Variants in EEF2K observed in about 807,000 individuals in gnomAD.
EEF2K encodes the protein alternative protein EEF2K.
EEF2K carries 70 observed loss-of-function variants against 93.8 expected under a neutral mutation model. The observed-to-expected ratio is 0.75, with a 90% confidence interval of 0.62 to 0.91. The LOEUF is 0.91. EEF2K is among the 40% of genes least tolerant of loss of function. The probability of loss-of-function intolerance (pLI) is 0.00; values close to 1 mark genes in which losing one functional copy is unlikely to be tolerated. For synonymous variants in EEF2K, 376 were observed against 380.8 expected (o/e 0.99, Z 0.15); for missense variants, 935 against 972.9 (o/e 0.96, Z 0.52).
At chr16:22,275,714 C>T (rs2047627815) in intron 16 of EEF2K, among the ~76,000 whole-genome samples, 1 of 150,156 alleles carries the variant, frequency 6.7e-6, no homozygotes, top group African/African-American at 2.5e-5. Flanking sequence ...GATCTCGGCT[C>T]ACTGCAATCT....
In EEF2K at chr16:22,250,830, A is replaced by G. The variant is rs540358245; in HGVS notation, c.446+139A>G. 3.5e-6 allele frequency: 4 copies of G among 1,151,892 alleles called. No homozygotes were observed. The South Asian group carries it at 4.3e-5, about 12-fold the overall frequency. 71.4% of individuals were successfully genotyped at this position (1,151,892 alleles called of 1,614,324 possible). A position where few individuals can be genotyped will look rare whatever the true frequency, so the allele number is the denominator to read the frequency against. On this transcript the variant is annotated intron_variant, in intron 5 of 17. Coordinates refer to ENST00000263026, the MANE Select transcript of EEF2K (RefSeq NM_013302.5). ...TTGTAGCCCAGGTTCCTGTCCATCT[A>G]GTCTCCCTCGGGCCACACATTGGGC...
chr16:22,274,248 C>T (rs1237391956), intron 16 of EEF2K, among the ~76,000 whole-genome samples: 1 of 152,076 alleles, frequency 6.6e-6, no homozygotes, highest in Non-Finnish European at 1.5e-5. Context: ...CAAGACCAGC[C>T]TGACCAACAT....
At chr16:22,258,252 G>C (rs775226254) in intron 9 of EEF2K, among the ~76,000 whole-genome samples, 2 of 152,146 alleles carry the variant, frequency 1.3e-5, no homozygotes, top group Non-Finnish European at 2.9e-5. Context: ...GTGGAATGTG[G>C]TCAGTGCTTT....
At chr16:22,283,224 G>A (rs184570072) in intron 17 of EEF2K, among the ~76,000 whole-genome samples, 15 of 148,322 alleles carry the variant, frequency 1.0e-4, no homozygotes, top group Admixed American at 3.5e-4. Context: ...CAGGAGAATC[G>A]CTTGAACCCC....
At chr16:22,239,009 G>C (rs1233188190) in intron 2 of EEF2K, among the ~76,000 whole-genome samples, 1 of 151,946 alleles carries the variant, frequency 6.6e-6, no homozygotes, top group Non-Finnish European at 1.5e-5. Flanking sequence ...CAAGGAAATG[G>C]AGGTTCCCAC....
At chr16:22,259,689 A>G (rs1332508938) in intron 10 of EEF2K, among the ~76,000 whole-genome samples, 1 of 152,082 alleles carries the variant, frequency 6.6e-6, no homozygotes, top group African/African-American at 2.4e-5. Context: ...AGACAGATAG[A>G]TTTGGCTGTA....
In EEF2K at chr16:22,257,672, T is replaced by A; in HGVS notation, c.931T>A (p.Ser311Thr). The part of the protein sequence containing the change: ...GVRGMALFFY[S>T]HACNRICESM... Reference sequence around the variant, plus strand: ...CCGCGGGATGGCGCTCTTCTTCTACTCTCATGCCTGCAACCGGATTTGCGA... The same window carrying A: ...CCGCGGGATGGCGCTCTTCTTCTACACTCATGCCTGCAACCGGATTTGCGA... Residue 311 changes from serine to threonine, a missense_variant, in exon 9 of 18, where the codon TCT becomes ACT. Ser to Thr is a moderately conservative substitution (Grantham distance 58). Transcript: ENST00000263026. 1 of 1,613,900 alleles carries A rather than the reference T, an allele frequency of 6.2e-7. No homozygotes were observed. Among genetic ancestry groups the A allele is most frequent in the African/African-American group, 1.3e-5 (1 of 75,062 alleles).
chr16:22,264,156 G>T, intron 12 of EEF2K, among the ~76,000 whole-genome samples: 1 of 151,932 alleles, frequency 6.6e-6, no homozygotes, highest in East Asian at 1.9e-4. Context: ...GCCGGGTGCA[G>T]TGGTGCACTC....
chr16:22,243,781 G>A (rs539078210), intron 2 of EEF2K, among the ~76,000 whole-genome samples: 4 of 150,876 alleles, frequency 2.7e-5, no homozygotes, highest in Non-Finnish European at 5.9e-5. Context: ...AAATTAGCCA[G>A]GTATAGTGGT....
intron 1 of EEF2K, among the ~76,000 whole-genome samples, chr16:22,220,495 G>C (rs2047001392): frequency 6.6e-6 from 1 of 151,852 alleles, no homozygotes; most frequent in Admixed American, 6.6e-5. Context: ...CTGTTGCCCA[G>C]GCAGTGGCAC....
At chr16:22,282,853 G>C (rs995533417) in intron 17 of EEF2K, among the ~76,000 whole-genome samples, 9 of 152,216 alleles carry the variant, frequency 5.9e-5, no homozygotes, top group African/African-American at 2.2e-4. Flanking sequence ...GTTACATCAT[G>C]AATGAAGAGT....
chr16:22,258,079 G>A (rs1017802704), intron 9 of EEF2K, among the ~76,000 whole-genome samples: 6 of 152,110 alleles, frequency 3.9e-5, no homozygotes, highest in African/African-American at 1.4e-4. Context: ...TTTGTGTGAT[G>A]TATTGACAAA....
chr16:22,228,286 C>G lies in EEF2K; in HGVS notation c.246+2311C>G, dbSNP rs147538842. Among the ~76,000 whole-genome samples the G allele has an allele frequency of 5.0e-3, 755 of 152,160 alleles. 8 individuals are homozygous for G. Among genetic ancestry groups the G allele is most frequent in the Middle Eastern group, 0.034 (10 of 294 alleles). On this transcript the variant is annotated intron_variant, in intron 2 of 17. Coordinates refer to ENST00000263026, the MANE Select transcript of EEF2K (RefSeq NM_013302.5). Reference sequence around the variant, plus strand: ...AATTAATATATTTTTTAAAACCTTTCCACAAATTAATTACCTTTTCCCAAA... The same window carrying G: ...AATTAATATATTTTTTAAAACCTTTGCACAAATTAATTACCTTTTCCCAAA...
intron 11 of EEF2K, among the ~76,000 whole-genome samples, 155 bp downstream of exon 11, chr16:22,260,684 G>C (rs939884514): frequency 3.9e-5 from 6 of 152,226 alleles, no homozygotes; most frequent in African/African-American, 7.2e-5. Flanking sequence ...GGATGCAGAT[G>C]AATGTCAGCC....
intron 16 of EEF2K, 69 bp from the exon 17 acceptor site, chr16:22,280,129 G>A: frequency 7.2e-7 from 1 of 1,392,276 alleles, no homozygotes. Flanking sequence ...CCCTCCTGCT[G>A]GAAGGCCCTC....
At chr16:22,262,496 C>T (rs957151384) in intron 11 of EEF2K, among the ~76,000 whole-genome samples, 3 of 151,632 alleles carry the variant, frequency 2.0e-5, no homozygotes, top group Admixed American at 1.3e-4. Flanking sequence ...TGTGACAGAG[C>T]GAGACTCCAT....
chr16:22,260,353 A>T, intron 10 of EEF2K, 109 bp from the exon 11 acceptor site: 1 of 1,048,608 alleles, frequency 9.5e-7, no homozygotes, highest in Non-Finnish European at 1.4e-6. Context: ...TAAAGCTTAA[A>T]AAAAAAAAAA....
intron 13 of EEF2K, chr16:22,265,162 G>A (rs1598199227): frequency 6.1e-6 from 2 of 329,294 alleles, no homozygotes; most frequent in East Asian, 1.0e-4. Flanking sequence ...TGCCATGAAG[G>A]CACTTCGCAG....
At chr16:22,261,479 A>G (rs916374820) in intron 11 of EEF2K, among the ~76,000 whole-genome samples, 1 of 152,100 alleles carries the variant, frequency 6.6e-6, no homozygotes, top group African/African-American at 2.4e-5. Flanking sequence ...ACTTGAGGTC[A>G]GGAATTTGAA....
Sources: gnomAD v4.1 joint callset for allele counts (sites outside exome capture counted in the v4.1 genomes callset) on GRCh38, gnomAD v4.1.1 for gene constraint, MANE v1.5 for transcripts, NCBI Gene and HGNC (gene_info 2026-07-23, HGNC 2026-07-21) for gene names.